The following CSNK1E variants were observed in gnomAD, a reference collection of about 807,000 sequenced individuals.
CSNK1E encodes the protein casein kinase 1 epsilon, also known as casein kinase I isoform epsilon.
In CSNK1E, 17 loss-of-function variants were observed where a neutral mutation model predicts 46.1. That is an observed-to-expected ratio of 0.37 (90% CI 0.25 to 0.55). The LOEUF (loss-of-function observed/expected upper bound fraction) is 0.55. CSNK1E is among the 20% of genes least tolerant of loss of function. The pLI is 0.82. For synonymous variants in CSNK1E, 241 were observed against 242.6 expected (o/e 0.99, Z 0.06); for missense variants, 386 against 595.4 (o/e 0.65, Z 3.66).
intron 7 of CSNK1E, chr22:38,295,423 G>A (rs2092635194): frequency 4.1e-6 from 4 of 984,538 alleles, no homozygotes; most frequent in Non-Finnish European, 4.8e-6. Flanking sequence ...GGAAGGGCAG[G>A]GGGCTGGCAG....
intron 2 of CSNK1E, among the ~76,000 whole-genome samples, chr22:38,311,356 T>G (rs896353701): frequency 6.6e-6 from 1 of 152,200 alleles, no homozygotes; most frequent in Non-Finnish European, 1.5e-5. Flanking sequence ...AAATCTGTAC[T>G]TAGTTTTTAA....
intron 10 of CSNK1E, 57 bp downstream of exon 10, chr22:38,293,198 C>T: frequency 7.2e-7 from 1 of 1,379,452 alleles, no homozygotes; most frequent in Non-Finnish European, 1.0e-6. Flanking sequence ...CTTTCTGGGG[C>T]CCTGGGAGCT....
chr22:38,298,589 T>C lies in CSNK1E; in HGVS notation c.885+197A>G. 1 of 631,854 alleles carries C rather than the reference T, an allele frequency of 1.6e-6. No homozygotes were observed. Among genetic ancestry groups the C allele is most frequent in the Non-Finnish European group, 2.7e-6 (1 of 366,788 alleles). 39.1% of individuals were successfully genotyped at this position (631,854 alleles called of 1,614,324 possible). A position where few individuals can be genotyped will look rare whatever the true frequency, so the allele number is the denominator to read the frequency against. On this transcript the variant is annotated intron_variant, in intron 7 of 10. Coordinates refer to ENST00000396832, the MANE Select transcript of CSNK1E (RefSeq NM_152221.3). This position sits in a 1 kb window ranked among gnomAD's most constrained non-coding sequence, Gnocchi z 4.2. ...GGGAGACAGCGCCCTGCCTGGGCCC[T>C]GCTGCCCATGGTGGCACAAGCTGTC...
In CSNK1E at chr22:38,298,997, A is replaced by C; in HGVS notation, c.737-63T>G. 6.3e-7 allele frequency: 1 copy of C among 1,590,610 alleles called. No homozygotes were observed. The highest frequency in any genetic ancestry group is 1.3e-5 in the African/African-American group (1 of 74,528). ...AGGCCCACGCTCCCAGACCCCCTGCAGCCAGCACTGTCCTAGCCACCCACT... is the reference window on the plus strand; with the variant it reads ...AGGCCCACGCTCCCAGACCCCCTGCCGCCAGCACTGTCCTAGCCACCCACT... On this transcript the variant is annotated intron_variant, in intron 6 of 10. Coordinates refer to ENST00000396832, the MANE Select transcript of CSNK1E (RefSeq NM_152221.3). This position sits in a 1 kb window ranked among gnomAD's most constrained non-coding sequence, Gnocchi z 4.2.
intron 7 of CSNK1E, chr22:38,296,374 A>G (rs3890379): frequency 0.063 from 88,173 of 1,390,962 alleles, 3,345 homozygotes; most frequent in Admixed American, 0.19. Context: ...AGTGGCTTCC[A>G]GGCCCCAGGG....
rs887261445 is a variant in CSNK1E at position 38,303,769 on chromosome 22, C to A, written c.77-521G>T. On this transcript the variant is annotated intron_variant, in intron 2 of 10. Transcript: ENST00000396832. This position sits in a 1 kb window ranked among gnomAD's most constrained non-coding sequence, Gnocchi z 4.7. ...CAGAGGCAGCCCTGCACATTCTAAT[C>A]CAGTGTCTCATTCGATTCTCAACCC... 3.3e-5 allele frequency among the ~76,000 whole-genome samples: 5 copies of A among 152,190 alleles called. No homozygotes were observed. The highest frequency in any genetic ancestry group is 1.3e-4 in the Admixed American group (2 of 15,288).
chr22:38,293,644 C>G (rs1029509551), intron 9 of CSNK1E, among the ~76,000 whole-genome samples: 20 of 152,134 alleles, frequency 1.3e-4, no homozygotes, highest in African/African-American at 4.8e-4. Flanking sequence ...CCACCCACCT[C>G]TGCCAGGCCA....
intron 6 of CSNK1E, 100 bp from the exon 7 acceptor site, chr22:38,299,034 C>A (rs1456673251): frequency 2.2e-6 from 3 of 1,355,234 alleles, no homozygotes; most frequent in East Asian, 4.6e-5. Flanking sequence ...TCCCTAGATA[C>A]TTCCAATCTG....
At position 38,294,517 on chromosome 22, in the gene CSNK1E, G is replaced by A. The variant is rs896224551; in HGVS notation, c.903C>T (p.Pro301=). The A allele has an allele frequency of 5.6e-6, 9 of 1,593,294 alleles. No individual in the cohort carries two copies. Among genetic ancestry groups the A allele is most frequent in the Middle Eastern group, 1.7e-4 (1 of 6,004 alleles). The change falls in exon 8 of 11, where the codon CCC becomes CCT. Residue 301 remains proline (P), a synonymous_variant. Transcript: ENST00000396832. The surrounding 1 kb of genome is among the most constrained non-coding windows in gnomAD (Gnocchi z 5.5). ...CTCGCCGCTCCCGGTCCACATCCTC[G>A]GGATTCCGGGCTGCACCCTGCAGGG... The part of the protein sequence containing the change: ...NMLKFGAARN[P]EDVDRERREH...
chr22:38,299,439 G>A (rs991679167), intron 6 of CSNK1E, among the ~76,000 whole-genome samples: 6 of 152,234 alleles, frequency 3.9e-5, no homozygotes, highest in Admixed American at 2.0e-4. Flanking sequence ...CAGGGAAACC[G>A]GGCCTTCTGG....
At chr22:38,305,794 C>T (rs907493720) in intron 2 of CSNK1E, among the ~76,000 whole-genome samples, 3 of 152,108 alleles carry the variant, frequency 2.0e-5, no homozygotes, top group Non-Finnish European at 4.4e-5. Context: ...GTCGGCAAGA[C>T]TGTGGGGGCG....
In CSNK1E at chr22:38,297,085, T is replaced by C; in HGVS notation, c.885+1701A>G. On this transcript the variant is annotated intron_variant, in intron 7 of 10. Coordinates refer to ENST00000396832, the MANE Select transcript of CSNK1E (RefSeq NM_152221.3). ...CACCAGGCCTGGCCGACATTTCCAG[T>C]CTTGATTAATTTTAATTCATTAAAA... 5.2e-6 allele frequency: 4 copies of C among 772,538 alleles called. No homozygotes were observed. In the South Asian group the frequency reaches 5.4e-5, roughly 11 times the overall value. The allele number at this position is 772,538 out of a possible 1,614,324, so 47.9% of individuals were successfully genotyped here. A position where few individuals can be genotyped will look rare whatever the true frequency, so the allele number is the denominator to read the frequency against.
At chr22:38,297,767 C>G (rs1378172933) in intron 7 of CSNK1E, 1 of 998,734 alleles carries the variant, frequency 1.0e-6, no homozygotes, top group African/African-American at 1.7e-5. Context: ...ATGGCAGGGC[C>G]TTTTCCACCA....
At position 38,294,094 on chromosome 22, in the gene CSNK1E, A is replaced by AG. The variant is rs768173185; in HGVS notation, c.1218+14dup. The AG allele has an allele frequency of 3.1e-6, 5 of 1,606,578 alleles. No individual in the cohort carries two copies. The highest frequency in any genetic ancestry group is 2.2e-5 in the South Asian group (2 of 90,622). On this transcript the variant is annotated intron_variant, in intron 9 of 10. Transcript: ENST00000396832. The surrounding 1 kb of genome is among the most constrained non-coding windows in gnomAD (Gnocchi z 5.5). ...AGTTCTGAGGCCCAGAGGGACTGGC[A>AG]GGGGGGCAGCTCACCTGTGAGGCTG...
intron 1 of CSNK1E, 49 bp downstream of exon 1, chr22:38,317,111 C>G (rs1398691655): frequency 6.6e-6 from 1 of 151,344 alleles, no homozygotes; most frequent in East Asian, 2.0e-4. Context: ...GAGCCCGATT[C>G]CCCCCAGGTT....
At chr22:38,306,742 A>T (rs4821779) in intron 2 of CSNK1E, among the ~76,000 whole-genome samples, 1 of 24,320 alleles carries the variant, frequency 4.1e-5, no homozygotes, top group Non-Finnish European at 2.4e-4. Context: ...AAAAAAAAAA[A>T]AAAAAATTAA....
chr22:38,298,444 GAGC>G lies in CSNK1E; in HGVS notation c.885+339_885+341del, dbSNP rs2092652749. 3 of 374,752 alleles carry G rather than the reference GAGC, an allele frequency of 8.0e-6. No individual in the cohort carries two copies. Among genetic ancestry groups the G allele is most frequent in the Non-Finnish European group, 1.5e-5 (3 of 194,160 alleles). The allele number at this position is 374,752 out of a possible 1,614,324, so 23.2% of individuals were successfully genotyped here. A position where few individuals can be genotyped will look rare whatever the true frequency, so the allele number is the denominator to read the frequency against. On this transcript the variant is annotated intron_variant, in intron 7 of 10. Transcript: ENST00000396832. This position sits in a 1 kb window ranked among gnomAD's most constrained non-coding sequence, Gnocchi z 4.2. ...TAGCCACCTGGGATGTGCAGAACAG[GAGC>G]AGCAGGACGGTGTAGGCAGCAATCA...
chr22:38,314,052 G>A (rs1375835556), intron 2 of CSNK1E, 30 bp downstream of exon 2: 5 of 1,593,216 alleles, frequency 3.1e-6, no homozygotes, highest in Non-Finnish European at 4.3e-6. Flanking sequence ...GCTGGCCCCA[G>A]GGGCTCCAGC....
chr22:38,293,402 T>C (rs936198076), intron 9 of CSNK1E, 83 bp from the exon 10 acceptor site: 15 of 883,650 alleles, frequency 1.7e-5, no homozygotes, highest in African/African-American at 6.6e-5. Flanking sequence ...CCGCTGGCGA[T>C]AGAGATTTGG....
Sources: allele counts gnomAD v4.1 joint callset (sites outside exome capture counted in the v4.1 genomes callset), GRCh38; gene constraint gnomAD v4.1.1; non-coding constraint Gnocchi (gnomAD v3.1); transcripts MANE v1.5; gene names NCBI Gene and HGNC (gene_info 2026-07-23, HGNC 2026-07-21).